Variants in ASIP observed in about 807,000 individuals in gnomAD.
ASIP encodes agouti signaling protein, also known as agouti-signaling protein.
ASIP carries 11 observed loss-of-function variants against 10.3 expected under a neutral mutation model. The ratio of observed to expected loss-of-function variants is 1.07; its 90% CI spans 0.68 to 1.78. ASIP has a LOEUF of 1.78. ASIP is among the 40% of genes most tolerant of loss of function. The pLI is 0.00. For synonymous variants in ASIP, 70 were observed against 70.8 expected, an observed-to-expected ratio of 0.99 and a Z score of 0.06; for missense variants, 180 against 169.2, an observed-to-expected ratio of 1.06 and a Z score of -0.35.
At chr20:34,200,315 T>C (rs1403711094) in intron 1 of ASIP, among the ~76,000 whole-genome samples, 4 of 152,204 alleles carry the variant, frequency 2.6e-5, no homozygotes, top group Non-Finnish European at 5.9e-5. Context: ...AAAGCAAACT[T>C]AATTGTAATT....
chr20:34,223,836 A>T (rs1306722512), intron 1 of ASIP, among the ~76,000 whole-genome samples: 4 of 114,674 alleles, frequency 3.5e-5, no homozygotes, highest in African/African-American at 1.6e-4. Context: ...GTGTAGAAAG[A>T]AGTAGACATG....
At chr20:34,246,396 C>T (rs2035375977) in intron 1 of ASIP, 5 of 1,386,642 alleles carry the variant, frequency 3.6e-6, no homozygotes, top group African/African-American at 1.4e-5. Context: ...CAATGAGCAA[C>T]ATCAGGCATA....
chr20:34,222,911 G>A (rs1220021568), intron 1 of ASIP, among the ~76,000 whole-genome samples: 2 of 152,292 alleles, frequency 1.3e-5, no homozygotes, highest in African/African-American at 2.4e-5. Flanking sequence ...ATTGCAGACG[G>A]AGTCTCGTTC....
Position 34,260,498 on chromosome 20 carries a change from G to A in ASIP, c.124G>A (p.Val42Met), listed in dbSNP as rs1201639876. Residue 42 changes from valine (V) to methionine (M), a missense_variant, in exon 2 of 4, where the codon GTG becomes ATG. Transcript: ENST00000374954. ...DDRSLRSNSS[V>M]NLLDVPSVSI... ...CAGGAGCCTGAGAAGCAACTCCTCT[G>A]TGAACCTACTGGATGTCCCTTCTGT... The A allele has an allele frequency of 1.9e-6, 3 of 1,613,840 alleles. No individual in the cohort carries two copies. The highest frequency in any genetic ancestry group is 1.7e-6 in the Non-Finnish European group (2 of 1,179,904).
At chr20:34,250,721 C>T (rs1601599936) in intron 1 of ASIP, among the ~76,000 whole-genome samples, 1 of 152,068 alleles carries the variant, frequency 6.6e-6, no homozygotes, top group East Asian at 1.9e-4. Flanking sequence ...CGCTTGAACC[C>T]GGGAGGTGGA....
chr20:34,255,742 G>C (rs2035556420), intron 1 of ASIP, among the ~76,000 whole-genome samples: 1 of 152,232 alleles, frequency 6.6e-6, no homozygotes, highest in African/African-American at 2.4e-5. Flanking sequence ...TGAGCCCTCT[G>C]TTACGCCCGG....
intron 1 of ASIP, among the ~76,000 whole-genome samples, chr20:34,201,460 C>T (rs909392159): frequency 6.6e-6 from 1 of 152,182 alleles, no homozygotes. Context: ...ACTTATCTCA[C>T]AGATAATGAG....
chr20:34,186,972 C>G, the ASIP span, among the ~76,000 whole-genome samples: 2 of 152,112 alleles, frequency 1.3e-5, no homozygotes, highest in Non-Finnish European at 2.9e-5. Context: ...TGCCACCACA[C>G]CTGGTGGCAC....
At chr20:34,249,716 G>A (rs1238325239) in intron 1 of ASIP, among the ~76,000 whole-genome samples, 1 of 152,014 alleles carries the variant, frequency 6.6e-6, no homozygotes, top group Non-Finnish European at 1.5e-5. Context: ...TTAGTTACTT[G>A]TCTCTCTTCC....
At chr20:34,234,865 T>C (rs2035158089) in intron 1 of ASIP, 1 of 152,220 alleles carries the variant, frequency 6.6e-6, no homozygotes. Context: ...TATGTCATGT[T>C]ATACCCACAG....
chr20:34,248,711 G>A (rs1217536113), intron 1 of ASIP, among the ~76,000 whole-genome samples: 3 of 151,708 alleles, frequency 2.0e-5, no homozygotes, highest in Non-Finnish European at 4.4e-5. Context: ...GATGTGGGAG[G>A]ATTGCTTGAG....
chr20:34,244,479 C>CT (rs1407365622), intron 1 of ASIP, among the ~76,000 whole-genome samples: 1 of 152,136 alleles, frequency 6.6e-6, no homozygotes, highest in African/African-American at 2.4e-5. Context: ...AGGTGCCCGC[C>CT]TTTGACATTA....
chr20:34,214,316 T>C (rs543628376), intron 1 of ASIP: 1 of 1,342,784 alleles, frequency 7.4e-7, no homozygotes, highest in Non-Finnish European at 1.1e-6. Flanking sequence ...CGTGCTGAGG[T>C]TCAACTGTGA....
intron 1 of ASIP, chr20:34,245,831 T>A: frequency 1.3e-6 from 1 of 761,678 alleles, no homozygotes; most frequent in Non-Finnish European, 1.7e-6. Flanking sequence ...AGTCTACAGT[T>A]TTACTGTAGA....
chr20:34,216,715 T>G (rs552507241), intron 1 of ASIP, among the ~76,000 whole-genome samples: 1 of 152,370 alleles, frequency 6.6e-6, no homozygotes, highest in East Asian at 1.9e-4. Flanking sequence ...ATGCCTTGGT[T>G]GATAATCAGT....
At chr20:34,215,032 A>T (rs2034998307) in intron 1 of ASIP, 3 of 1,478,732 alleles carry the variant, frequency 2.0e-6, no homozygotes, top group Non-Finnish European at 2.8e-6. Flanking sequence ...TGCTGAAAAG[A>T]AGTCAACATC....
intron 1 of ASIP, among the ~76,000 whole-genome samples, chr20:34,258,709 T>TATATATATATACACATACTATA (rs56401036): frequency 3.2e-5 from 1 of 31,170 alleles, no homozygotes; most frequent in Non-Finnish European, 7.1e-5. Flanking sequence ...TATATATATA[T>TATATATATATACACATACTATA]TATATATATT....
intron 2 of ASIP, 87 bp downstream of exon 2, chr20:34,260,621 G>A (rs1391248692): frequency 7.2e-6 from 10 of 1,382,024 alleles, no homozygotes; most frequent in East Asian, 2.3e-5. Context: ...AGGATCCACC[G>A]CCATGGTCAC....
At chr20:34,267,541 T>A (rs568252268) in intron 3 of ASIP, among the ~76,000 whole-genome samples, 1 of 151,766 alleles carries the variant, frequency 6.6e-6, no homozygotes, top group South Asian at 2.1e-4. Context: ...TATTTATTTA[T>A]TTTTTTTGAG....
Sources: gnomAD v4.1 joint callset for allele counts (sites outside exome capture counted in the v4.1 genomes callset) on GRCh38, gnomAD v4.1.1 for gene constraint, MANE v1.5 for transcripts, NCBI Gene and HGNC (gene_info 2026-07-23, HGNC 2026-07-21) for gene names.